The following EXT2 variants were observed in gnomAD, a reference collection of about 807,000 sequenced individuals.
EXT2 encodes exostosin glycosyltransferase 2, also known as exostosin-2.
EXT2 carries 53 observed loss-of-function variants against 81.6 expected under a neutral mutation model. The ratio of observed to expected loss-of-function variants is 0.65; its 90% CI spans 0.52 to 0.82. The LOEUF (loss-of-function observed/expected upper bound fraction) is 0.82. Ranked by LOEUF, EXT2 falls within the 40% of genes least tolerant of loss-of-function variation. The pLI, the probability that EXT2 is intolerant of heterozygous loss-of-function variation, is 0.00. For synonymous variants in EXT2, 320 were observed against 340.0 expected (o/e 0.94, Z 0.65); for missense variants, 774 against 910.2 (o/e 0.85, Z 1.93).
Position 44,244,452 on chromosome 11 carries a change from A to G in EXT2, c.*165A>G. ...ACTTTCTCAAGAACAAGAACCTAGA[A>G]TGAATATCCAAGCACCTCGAGCTAT... On this transcript the variant is annotated 3_prime_UTR_variant, in exon 14 of 14. Transcript: ENST00000533608. 2 of 674,748 alleles carry G rather than the reference A, an allele frequency of 3.0e-6. No individual in the cohort carries two copies. Among genetic ancestry groups the G allele is most frequent in the Non-Finnish European group, 5.2e-6 (2 of 384,920 alleles). The allele number at this position is 674,748 out of a possible 1,614,324, so 41.8% of individuals were successfully genotyped here.
intron 7 of EXT2, among the ~76,000 whole-genome samples, chr11:44,145,215 GCTT>G (rs1350883943): frequency 1.3e-5 from 2 of 152,088 alleles, no homozygotes; most frequent in African/African-American, 2.4e-5. Flanking sequence ...CTTCAGTATA[GCTT>G]CTTTGGCAAG....
chr11:44,209,670 A>G (rs1315682846), intron 10 of EXT2, among the ~76,000 whole-genome samples: 1 of 152,206 alleles, frequency 6.6e-6, no homozygotes, highest in Non-Finnish European at 1.5e-5. Context: ...TTGTGGTGTT[A>G]TCACAGTCCC....
chr11:44,131,190 G>T (rs898561565), intron 7 of EXT2, among the ~76,000 whole-genome samples: 1 of 152,148 alleles, frequency 6.6e-6, no homozygotes, highest in African/African-American at 2.4e-5. Flanking sequence ...TTACTTTTCA[G>T]CTTCCACATT....
chr11:44,200,688 A>G (rs1018591337), intron 9 of EXT2, among the ~76,000 whole-genome samples: 4 of 152,188 alleles, frequency 2.6e-5, no homozygotes, highest in African/African-American at 9.7e-5. Context: ...TCATGAGACC[A>G]GCTGTACACC....
At chr11:44,129,912 C>A in intron 6 of EXT2, 133 bp from the exon 7 acceptor site, 1 of 739,144 alleles carries the variant, frequency 1.4e-6, no homozygotes, top group Non-Finnish European at 2.5e-6. Flanking sequence ...AGAGATAATA[C>A]TTACCGGAAG....
intron 7 of EXT2, among the ~76,000 whole-genome samples, chr11:44,168,874 C>A (rs1955031319): frequency 6.6e-6 from 1 of 152,096 alleles, no homozygotes; most frequent in South Asian, 2.1e-4. Context: ...GATGGAAGTT[C>A]AGATATGCAT....
chr11:44,201,436 T>A (rs1169491161), intron 9 of EXT2, among the ~76,000 whole-genome samples: 1 of 152,218 alleles, frequency 6.6e-6, no homozygotes, highest in Non-Finnish European at 1.5e-5. Context: ...CTCTAGACCT[T>A]AGGACAAACC....
intron 4 of EXT2, among the ~76,000 whole-genome samples, 199 bp from the exon 5 acceptor site, chr11:44,124,590 G>A (rs558107010): frequency 6.6e-6 from 1 of 152,188 alleles, no homozygotes; most frequent in South Asian, 2.1e-4. Context: ...TTCAGTGTGT[G>A]AATGAATCAT....
chr11:44,238,400 T>G (rs1414095682), intron 13 of EXT2, among the ~76,000 whole-genome samples: 1 of 152,178 alleles, frequency 6.6e-6, no homozygotes, highest in Non-Finnish European at 1.5e-5. Context: ...CAGCCTGGTC[T>G]TGAACTCCTG....
At chr11:44,122,864 T>G (rs949881849) in intron 4 of EXT2, among the ~76,000 whole-genome samples, 2 of 152,258 alleles carry the variant, frequency 1.3e-5, no homozygotes, top group Admixed American at 6.5e-5. Flanking sequence ...GGGCCTAGTG[T>G]GACTGACAAA....
intron 7 of EXT2, among the ~76,000 whole-genome samples, chr11:44,163,624 T>C (rs906810515): frequency 3.3e-5 from 5 of 152,274 alleles, no homozygotes; most frequent in Non-Finnish European, 5.9e-5. Flanking sequence ...GACACAGCTT[T>C]GAAAAATAAA....
Position 44,126,909 on chromosome 11 carries a change from G to T in EXT2, c.1033G>T (p.Ala345Ser), listed in dbSNP as rs1254546899. The change falls in exon 6 of 14, where the codon GCA becomes TCA. Residue 345 changes from alanine to serine, a missense_variant. Around this residue, in one of 2 missense-constraint regions of EXT2, gnomAD observed 626 missense variants for 670.5 expected, o/e 0.93. Coordinates refer to ENST00000533608, the MANE Select transcript of EXT2 (RefSeq NM_207122.2). ...LQAGCVPVVIADSYILPFSEV... is the reference protein window; with the variant it reads ...LQAGCVPVVISDSYILPFSEV... ...AGCTGGCTGTGTCCCGGTTGTCATT[G>T]CAGACTCCTATATTTTGCCTTTCTC... The T allele has an allele frequency of 6.2e-7, 1 of 1,614,152 alleles. No homozygotes were observed. Among genetic ancestry groups the T allele is most frequent in the Non-Finnish European group, 8.5e-7 (1 of 1,180,034 alleles).
intron 10 of EXT2, among the ~76,000 whole-genome samples, chr11:44,215,543 T>C (rs927236437): frequency 6.6e-6 from 1 of 152,232 alleles, no homozygotes; most frequent in Non-Finnish European, 1.5e-5. Flanking sequence ...CTGTGTGTGA[T>C]TAAAAAGAGG....
At chr11:44,148,551 T>C (rs967324628) in intron 7 of EXT2, among the ~76,000 whole-genome samples, 12 of 152,204 alleles carry the variant, frequency 7.9e-5, no homozygotes, top group Admixed American at 3.9e-4. Context: ...TAAACCCCCA[T>C]GAACCTGTCA....
At position 44,109,180 on chromosome 11, in the gene EXT2, A is replaced by T. The variant is rs758473766; in HGVS notation, c.537-14A>T. ...TGACACATTAATTCTCCTACATTTT[A>T]AATTTCTTGACAGGTGGGATCGAGG... On this transcript the variant is annotated splice_polypyrimidine_tract_variant and intron_variant, in intron 2 of 13. Transcript: ENST00000533608. 6.2e-7 allele frequency: 1 copy of T among 1,613,390 alleles called. No individual in the cohort carries two copies. Among genetic ancestry groups the T allele is most frequent in the Admixed American group, 1.7e-5 (1 of 60,006 alleles).
At chr11:44,101,278 G>C (rs1022765391) in intron 1 of EXT2, among the ~76,000 whole-genome samples, 61 of 152,298 alleles carry the variant, frequency 4.0e-4, no homozygotes, top group African/African-American at 1.4e-3. Context: ...GGCTGGGCAG[G>C]CTCCTTGAAG....
chr11:44,147,773 G>GTTTTTTT (rs1244050973), intron 7 of EXT2, among the ~76,000 whole-genome samples: 1 of 17,564 alleles, frequency 5.7e-5, no homozygotes, highest in African/African-American at 1.8e-4. Flanking sequence ...ACTCCACATT[G>GTTTTTTT]TCTTTTTTTT....
chr11:44,209,112 G>A (rs1426878556), intron 10 of EXT2, among the ~76,000 whole-genome samples: 1 of 152,182 alleles, frequency 6.6e-6, no homozygotes, highest in Non-Finnish European at 1.5e-5. Flanking sequence ...AAATGGTAAT[G>A]ACAATATCTA....
At chr11:44,168,807 T>G (rs1478303683) in intron 7 of EXT2, among the ~76,000 whole-genome samples, 1 of 152,190 alleles carries the variant, frequency 6.6e-6, no homozygotes, top group Non-Finnish European at 1.5e-5. Flanking sequence ...CACCCACGAA[T>G]TCTACAGTGA....
Sources: gnomAD v4.1 joint callset for allele counts (sites outside exome capture counted in the v4.1 genomes callset) on GRCh38, gnomAD v4.1.1 for gene constraint, gnomAD v4.1.1 regional missense constraint, MANE v1.5 for transcripts, NCBI Gene and HGNC (gene_info 2026-07-23, HGNC 2026-07-21) for gene names.